Variants in SHB observed in about 807,000 individuals in gnomAD.
SHB encodes SH2 domain-containing adapter protein B.
SHB carries 20 observed loss-of-function variants against 52.3 expected under a neutral mutation model. The observed-to-expected ratio is 0.38, with a 90% confidence interval of 0.27 to 0.56. The LOEUF (loss-of-function observed/expected upper bound fraction) is 0.56, where lower values mean the gene tolerates loss of function less well. SHB is among the 20% of genes least tolerant of loss of function. The pLI is 0.71. For missense variants in SHB, 825 were observed against 723.3 expected (o/e 1.14, Z -1.61); for synonymous variants, 397 against 316.5 (o/e 1.25, Z -2.70).
At chr9:37,926,199 C>A (rs548905069) in intron 5 of SHB, among the ~76,000 whole-genome samples, 1 of 151,648 alleles carries the variant, frequency 6.6e-6, no homozygotes, top group Admixed American at 6.6e-5. Flanking sequence ...CATAACCCCA[C>A]CCCCACCCTG....
intron 2 of SHB, among the ~76,000 whole-genome samples, chr9:37,977,193 T>C (rs1467231902): frequency 6.6e-6 from 1 of 152,190 alleles, no homozygotes; most frequent in Admixed American, 6.5e-5. Context: ...CCATAAGCCA[T>C]TATTCTTTGC....
chr9:38,011,197 C>A (rs1011098215), intron 2 of SHB, among the ~76,000 whole-genome samples: 2 of 152,152 alleles, frequency 1.3e-5, no homozygotes, highest in Admixed American at 6.5e-5. Flanking sequence ...AAAGAAGGGG[C>A]TGTGAAGCTA....
intron 2 of SHB, among the ~76,000 whole-genome samples, chr9:37,975,903 G>A (rs1200938973): frequency 1.3e-5 from 2 of 152,204 alleles, no homozygotes; most frequent in Non-Finnish European, 2.9e-5. Context: ...CTGACAAGTG[G>A]AAGCAGGAGA....
chr9:37,923,353 T>C (rs915597110), intron 5 of SHB, among the ~76,000 whole-genome samples: 2 of 152,072 alleles, frequency 1.3e-5, no homozygotes, highest in Non-Finnish European at 1.5e-5. Flanking sequence ...TAAAAGACAA[T>C]GTGTGGCACC....
chr9:37,956,590 C>A (rs1832638158), intron 3 of SHB, among the ~76,000 whole-genome samples: 1 of 152,190 alleles, frequency 6.6e-6, no homozygotes, highest in Admixed American at 6.5e-5. Flanking sequence ...GACCCAGCGC[C>A]CAGGTGAGGC....
chr9:37,985,808 G>C (rs1820799331), intron 2 of SHB, among the ~76,000 whole-genome samples: 1 of 152,186 alleles, frequency 6.6e-6, no homozygotes. Context: ...TGGCTTAGCA[G>C]GAGAATCGGG....
At chr9:38,028,001 G>A (rs115952718) in intron 1 of SHB, among the ~76,000 whole-genome samples, 1,902 of 152,050 alleles carry the variant, frequency 0.013, 41 homozygotes, top group African/African-American at 0.043. Context: ...CTCCTACCCC[G>A]GATCTCACAC....
chr9:38,002,076 T>A (rs1388846913), intron 2 of SHB, among the ~76,000 whole-genome samples: 1 of 152,172 alleles, frequency 6.6e-6, no homozygotes, highest in African/African-American at 2.4e-5. Context: ...GCACTACAGC[T>A]GGCTGACCCT....
chr9:37,986,293 A>T (rs1424599349), intron 2 of SHB, among the ~76,000 whole-genome samples: 1 of 152,066 alleles, frequency 6.6e-6, no homozygotes, highest in African/African-American at 2.4e-5. Flanking sequence ...AGCATAAACC[A>T]AGTTTGGGAG....
intron 3 of SHB, among the ~76,000 whole-genome samples, chr9:37,965,348 T>C (rs557310973): frequency 1.3e-5 from 2 of 152,262 alleles, no homozygotes; most frequent in Admixed American, 1.3e-4. Context: ...GGACATGCTG[T>C]CCACTTCTCC....
intron 2 of SHB, chr9:38,015,308 A>G: frequency 1.5e-6 from 1 of 650,134 alleles, no homozygotes; most frequent in East Asian, 2.7e-5. Context: ...CTAACCCTTC[A>G]CTTCTTAAAG....
chr9:38,046,626 T>C (rs776001399), intron 1 of SHB, among the ~76,000 whole-genome samples: 7 of 152,152 alleles, frequency 4.6e-5, no homozygotes, highest in Non-Finnish European at 5.9e-5. Context: ...AGGTGGGTGA[T>C]CACGCCAAGC....
chr9:37,974,197 G>A (rs754251013), intron 3 of SHB, among the ~76,000 whole-genome samples: 21 of 152,178 alleles, frequency 1.4e-4, no homozygotes, highest in Non-Finnish European at 2.5e-4. Context: ...TGGAGGTTGC[G>A]GTGAGCCGAG....
At chr9:38,010,102 T>C (rs1285673796) in intron 2 of SHB, among the ~76,000 whole-genome samples, 1 of 152,206 alleles carries the variant, frequency 6.6e-6, no homozygotes, top group Non-Finnish European at 1.5e-5. Flanking sequence ...AGTGTTTTAG[T>C]TGTAAGCGAG....
intron 1 of SHB, among the ~76,000 whole-genome samples, chr9:38,021,692 T>G (rs1389108596): frequency 6.7e-6 from 1 of 149,882 alleles, no homozygotes; most frequent in Admixed American, 6.6e-5. Context: ...AAAAGAATGA[T>G]GAGAGAGGCA....
chr9:38,060,950 T>C (rs150971528), intron 1 of SHB, among the ~76,000 whole-genome samples: 145 of 152,334 alleles, frequency 9.5e-4, no homozygotes, highest in Admixed American at 2.4e-3. Flanking sequence ...CAGCTCCTGA[T>C]GGTGGCCTGC....
chr9:38,019,661 C>T (rs1336321091), intron 1 of SHB, among the ~76,000 whole-genome samples: 3 of 152,226 alleles, frequency 2.0e-5, no homozygotes, highest in Non-Finnish European at 4.4e-5. Context: ...GGTGGAGACA[C>T]TTACAAGGGT....
intron 5 of SHB, among the ~76,000 whole-genome samples, chr9:37,946,678 G>C (rs963288863): frequency 6.6e-6 from 1 of 152,184 alleles, no homozygotes; most frequent in Non-Finnish European, 1.5e-5. Flanking sequence ...GGTCCTCTAG[G>C]ATGAACGGCC....
At chr9:38,061,571 C>G (rs931481752) in intron 1 of SHB, among the ~76,000 whole-genome samples, 1 of 152,182 alleles carries the variant, frequency 6.6e-6, no homozygotes, top group Non-Finnish European at 1.5e-5. Context: ...GCTGACTGAT[C>G]AGAAGAAACC....
Sources: gnomAD v4.1 joint callset for allele counts (sites outside exome capture counted in the v4.1 genomes callset) on GRCh38, gnomAD v4.1.1 for gene constraint, MANE v1.5 for transcripts, NCBI Gene and HGNC (gene_info 2026-07-23, HGNC 2026-07-21) for gene names.